SLC1A2: variants seen among roughly 807,000 people sequenced by gnomAD.
The protein encoded by SLC1A2 is excitatory amino acid transporter 2.
A neutral mutation model predicts 48.8 loss-of-function variants in SLC1A2; 15 were observed. The observed-to-expected ratio is 0.31, with a 90% CI of 0.21 to 0.47. The LOEUF (loss-of-function observed/expected upper bound fraction) is 0.47, where lower values mean the gene tolerates loss of function less well. Among genes scored for constraint, SLC1A2 ranks in the 20% least tolerant of loss-of-function variants. The pLI, the probability that SLC1A2 is intolerant of heterozygous loss-of-function variation, is 0.99. For missense variants in SLC1A2, 502 were observed against 730.5 expected (o/e 0.69, Z 3.61); for synonymous variants, 279 against 272.6 (o/e 1.02, Z -0.23).
intron 1 of SLC1A2, among the ~76,000 whole-genome samples, chr11:35,321,823 T>C (rs1217841375): frequency 6.6e-6 from 1 of 152,124 alleles, no homozygotes; most frequent in Non-Finnish European, 1.5e-5. Context: ...ACCCCTTTAC[T>C]AATATTCCCT....
At chr11:35,371,787 C>A (rs1011720946) in intron 1 of SLC1A2, among the ~76,000 whole-genome samples, 5 of 152,168 alleles carry the variant, frequency 3.3e-5, no homozygotes, top group Admixed American at 1.3e-4. Context: ...CCCAACCAGA[C>A]CTGCAGAATG....
intron 10 of SLC1A2, among the ~76,000 whole-genome samples, chr11:35,261,222 G>GT: frequency 6.6e-6 from 1 of 152,166 alleles, no homozygotes; most frequent in Non-Finnish European, 1.5e-5. Context: ...CTTCTACTAT[G>GT]TTTTTAGTGT....
intron 1 of SLC1A2, among the ~76,000 whole-genome samples, chr11:35,319,630 C>T (rs907386386): frequency 6.6e-6 from 1 of 152,208 alleles, no homozygotes; most frequent in Non-Finnish European, 1.5e-5. Flanking sequence ...TCAAAACAGC[C>T]ATGTCAAAGT....
intron 8 of SLC1A2, chr11:35,285,819 A>G (rs1850801394): frequency 6.6e-6 from 1 of 152,242 alleles, no homozygotes; most frequent in Non-Finnish European, 1.5e-5. Flanking sequence ...TGAACTACCA[A>G]CTTTTAGCCC....
At chr11:35,337,216 T>A (rs1852665874) in intron 1 of SLC1A2, among the ~76,000 whole-genome samples, 1 of 152,014 alleles carries the variant, frequency 6.6e-6, no homozygotes, top group African/African-American at 2.4e-5. Context: ...CCTCTCTGTA[T>A]CCATGTTGAT....
At chr11:35,298,823 G>C (rs1375723928) in intron 6 of SLC1A2, 2 of 152,156 alleles carry the variant, frequency 1.3e-5, no homozygotes, top group Admixed American at 6.6e-5. Context: ...TCCTGCAAGG[G>C]TTTAGTGGAA....
intron 1 of SLC1A2, among the ~76,000 whole-genome samples, chr11:35,395,597 C>G (rs80216743): frequency 6.6e-6 from 1 of 151,832 alleles, no homozygotes; most frequent in Non-Finnish European, 1.5e-5. Flanking sequence ...AGCAAAGCTC[C>G]GAATATACCT....
chr11:35,295,981 G>T (rs911197843), intron 6 of SLC1A2, among the ~76,000 whole-genome samples: 7 of 152,218 alleles, frequency 4.6e-5, no homozygotes, highest in African/African-American at 1.7e-4. Context: ...AGAATGTCCT[G>T]GAGCTGGCCT....
intron 5 of SLC1A2, among the ~76,000 whole-genome samples, chr11:35,305,376 C>T (rs1242954362): frequency 6.6e-6 from 1 of 152,174 alleles, no homozygotes; most frequent in African/African-American, 2.4e-5. Flanking sequence ...AAAATAGATG[C>T]CAATCCTATT....
intron 1 of SLC1A2, among the ~76,000 whole-genome samples, chr11:35,407,971 G>C (rs981611805): frequency 1.3e-5 from 2 of 152,220 alleles, no homozygotes; most frequent in African/African-American, 4.8e-5. Context: ...TAACTGCCCA[G>C]TGAACATCTC....
intron 1 of SLC1A2, among the ~76,000 whole-genome samples, chr11:35,390,125 A>C (rs953646275): frequency 6.6e-6 from 1 of 152,246 alleles, no homozygotes; most frequent in African/African-American, 2.4e-5. Context: ...AGCACTAGCT[A>C]AACACCCCAG....
Position 35,322,244 on chromosome 11 carries a change from T to A in SLC1A2, c.18-4728A>T, listed in dbSNP as rs192210092. Among the ~76,000 whole-genome samples, 87 of 152,336 alleles carry A rather than the reference T, an allele frequency of 5.7e-4. 1 individual carries two copies. In the East Asian group the frequency reaches 0.013, roughly 22 times the overall value. The stretch of plus-strand genomic sequence containing the variant: ...GGTTCAAGGCAAGCTCAGCTTATCG[T>A]GCAAATCATCCTCTGTGACTCAGAA... On this transcript the variant is annotated intron_variant, in intron 1 of 10. Transcript: ENST00000278379.
intron 1 of SLC1A2, among the ~76,000 whole-genome samples, chr11:35,402,986 T>G (rs1308717846): frequency 2.0e-5 from 3 of 152,280 alleles, no homozygotes; most frequent in Non-Finnish European, 4.4e-5. Context: ...CCTTTGGGTA[T>G]GCACCAAGTG....
chr11:35,389,775 T>C (rs1310452172), intron 1 of SLC1A2, among the ~76,000 whole-genome samples: 1 of 151,984 alleles, frequency 6.6e-6, no homozygotes, highest in East Asian at 1.9e-4. Flanking sequence ...CAGCCTCTTT[T>C]TTGTTCTTAA....
At chr11:35,402,783 C>A (rs753348366) in intron 1 of SLC1A2, among the ~76,000 whole-genome samples, 56 of 152,084 alleles carry the variant, frequency 3.7e-4, no homozygotes, top group Non-Finnish European at 6.9e-4. Context: ...TGCCTGGTGT[C>A]GGGAAAGACA....
intron 6 of SLC1A2, among the ~76,000 whole-genome samples, chr11:35,300,875 T>G (rs1430037425): frequency 6.6e-6 from 1 of 151,936 alleles, no homozygotes; most frequent in Non-Finnish European, 1.5e-5. Flanking sequence ...AAAAATTAGC[T>G]GGGCATGGTA....
At chr11:35,344,077 T>G (rs551484775) in intron 1 of SLC1A2, among the ~76,000 whole-genome samples, 2 of 152,144 alleles carry the variant, frequency 1.3e-5, no homozygotes, top group South Asian at 2.1e-4. Flanking sequence ...AGGTGAGACC[T>G]AAGTATAATC....
chr11:35,322,779 C>A lies in SLC1A2; in HGVS notation c.18-5263G>T. On this transcript the variant is annotated intron_variant, in intron 1 of 10. Transcript: ENST00000278379. The stretch of plus-strand genomic sequence containing the variant: ...GCTGGAAATACCTGTTGCATCAGCT[C>A]GAGCACCAAGAACCAGGAAGCAGAG... 9 of 752,082 alleles carry A rather than the reference C, an allele frequency of 1.2e-5. 1 individual carries two copies. The highest frequency in any genetic ancestry group is 1.0e-4 in the South Asian group (7 of 68,438). 46.6% of individuals were successfully genotyped at this position (752,082 alleles called of 1,614,324 possible). A position where few individuals can be genotyped will look rare whatever the true frequency, so the allele number is the denominator to read the frequency against.
At chr11:35,388,641 C>T (rs1057266401) in intron 1 of SLC1A2, among the ~76,000 whole-genome samples, 2 of 152,170 alleles carry the variant, frequency 1.3e-5, no homozygotes, top group African/African-American at 4.8e-5. Flanking sequence ...GTGATCCTCC[C>T]GCCTCGGCCT....
Sources: gnomAD v4.1 joint callset for allele counts (sites outside exome capture counted in the v4.1 genomes callset) on GRCh38, gnomAD v4.1.1 for gene constraint, MANE v1.5 for transcripts, NCBI Gene and HGNC (gene_info 2026-07-23, HGNC 2026-07-21) for gene names.